TCF4: variants seen among roughly 807,000 people sequenced by gnomAD.
The protein encoded by TCF4 is transcription factor 4, also known as SL3-3 enhancer factor 2.
In TCF4, 3 loss-of-function variants were observed where a neutral mutation model predicts 82.1. The ratio of observed to expected loss-of-function variants is 0.04; its 90% CI spans 0.02 to 0.09. The LOEUF (loss-of-function observed/expected upper bound fraction) is 0.09. TCF4 is among the 10% of genes least tolerant of loss of function. The pLI, the probability that TCF4 is intolerant of heterozygous loss-of-function variation, is 1.00. For synonymous variants in TCF4, 276 were observed against 309.6 expected, an observed-to-expected ratio of 0.89 and a Z score of 1.14; for missense variants, 518 against 852.7, an observed-to-expected ratio of 0.61 and a Z score of 4.89.
At chr18:55,558,313 G>A (rs928143991) in intron 3 of TCF4, among the ~76,000 whole-genome samples, 1 of 152,122 alleles carries the variant, frequency 6.6e-6, no homozygotes, top group East Asian at 1.9e-4. Flanking sequence ...ATTTTATGAT[G>A]CTGTATCTTC....
At chr18:55,344,782 C>T (rs761415174) in intron 8 of TCF4, among the ~76,000 whole-genome samples, 1 of 152,060 alleles carries the variant, frequency 6.6e-6, no homozygotes, top group East Asian at 1.9e-4. Flanking sequence ...GCCAGGAAGG[C>T]TTCTTTCTGG....
At chr18:55,283,848 T>C (rs914643095) in intron 8 of TCF4, among the ~76,000 whole-genome samples, 5 of 152,208 alleles carry the variant, frequency 3.3e-5, no homozygotes, top group African/African-American at 2.4e-5. Flanking sequence ...CAGACATTAG[T>C]GCTGAAGTCT....
chr18:55,500,213 T>C (rs1386734843), intron 3 of TCF4, among the ~76,000 whole-genome samples: 1 of 152,092 alleles, frequency 6.6e-6, no homozygotes, highest in Non-Finnish European at 1.5e-5. Context: ...ACATTTTGAT[T>C]GTCATCTGGG....
At chr18:55,432,491 G>A (rs1049273000) in intron 5 of TCF4, among the ~76,000 whole-genome samples, 2 of 151,984 alleles carry the variant, frequency 1.3e-5, no homozygotes, top group Admixed American at 6.6e-5. Flanking sequence ...GGTTGGCCTT[G>A]TTATCTCCAT....
intron 3 of TCF4, among the ~76,000 whole-genome samples, chr18:55,503,890 C>T (rs1051610079): frequency 2.0e-5 from 3 of 152,138 alleles, no homozygotes; most frequent in African/African-American, 4.8e-5. Context: ...GCCTGGCCAA[C>T]GTGATGAAAC....
chr18:55,498,249 G>A (rs1015595711), intron 3 of TCF4, among the ~76,000 whole-genome samples: 1 of 152,194 alleles, frequency 6.6e-6, no homozygotes, highest in Non-Finnish European at 1.5e-5. Flanking sequence ...AATATTTAAG[G>A]GGGTGCTCAC....
intron 3 of TCF4, among the ~76,000 whole-genome samples, chr18:55,569,602 TA>T (rs1331517723): frequency 1.3e-5 from 2 of 151,576 alleles, no homozygotes; most frequent in Non-Finnish European, 2.9e-5. Flanking sequence ...AAGTAACAAA[TA>T]ATTTGAATAA....
chr18:55,587,592 A>T (rs528995205), intron 1 of TCF4, among the ~76,000 whole-genome samples: 1 of 150,554 alleles, frequency 6.6e-6, no homozygotes, highest in Admixed American at 6.6e-5. Flanking sequence ...GCACACTCAC[A>T]CTCGCACACG....
chr18:55,348,623 C>T (rs955120105), intron 8 of TCF4, among the ~76,000 whole-genome samples: 3 of 152,218 alleles, frequency 2.0e-5, no homozygotes, highest in South Asian at 4.1e-4. Flanking sequence ...GGCCAGTTAG[C>T]TATAGGGAAA....
intron 8 of TCF4, among the ~76,000 whole-genome samples, chr18:55,295,845 C>T (rs969630799): frequency 6.6e-6 from 1 of 152,162 alleles, no homozygotes; most frequent in Non-Finnish European, 1.5e-5. Flanking sequence ...CCCATTCATC[C>T]TTGCACTTCA....
chr18:55,362,522 C>T (rs751647778), intron 6 of TCF4, among the ~76,000 whole-genome samples: 12 of 151,636 alleles, frequency 7.9e-5, no homozygotes, highest in Non-Finnish European at 1.2e-4. Flanking sequence ...GTCTCTTTTT[C>T]GAAATCCATT....
chr18:55,537,679 T>C (rs1380229640), intron 3 of TCF4, among the ~76,000 whole-genome samples: 1 of 152,108 alleles, frequency 6.6e-6, no homozygotes, highest in African/African-American at 2.4e-5. Flanking sequence ...TGTGTGTGTA[T>C]AAGTTTGTTG....
At chr18:55,272,537 A>G (rs1040925796) in intron 10 of TCF4, among the ~76,000 whole-genome samples, 1 of 152,160 alleles carries the variant, frequency 6.6e-6, no homozygotes, top group Non-Finnish European at 1.5e-5. Flanking sequence ...GTCTATTAAC[A>G]GAGTAATTGT....
At chr18:55,481,284 A>G (rs1357060350) in intron 3 of TCF4, among the ~76,000 whole-genome samples, 1 of 152,208 alleles carries the variant, frequency 6.6e-6, no homozygotes, top group Non-Finnish European at 1.5e-5. Context: ...TACACCATGG[A>G]AATTGGCAAA....
At chr18:55,362,105 T>C (rs2145210547) in intron 6 of TCF4, among the ~76,000 whole-genome samples, 1 of 152,254 alleles carries the variant, frequency 6.6e-6, no homozygotes, top group Middle Eastern at 3.4e-3. Context: ...TGTCTTCTCC[T>C]GTCTTATCTC....
At position 55,570,096 on chromosome 18, in the gene TCF4, C is replaced by T. The variant is rs991384021; in HGVS notation, c.145+15184G>A. ...AGAATAAAAGGCCCAGAAGGAAAGA[C>T]CCCACAAATACAGGAACTAAAAATA... On this transcript the variant is annotated intron_variant, in intron 3 of 19. Coordinates refer to ENST00000354452, the MANE Select transcript of TCF4 (RefSeq NM_001083962.2). Among the ~76,000 whole-genome samples the T allele has an allele frequency of 5.9e-5, 9 of 152,196 alleles. No individual in the cohort carries two copies. In the East Asian group the frequency reaches 1.2e-3, roughly 20 times the overall value.
intron 6 of TCF4, among the ~76,000 whole-genome samples, chr18:55,394,858 A>G (rs1258434094): frequency 1.3e-5 from 2 of 152,222 alleles, no homozygotes; most frequent in Non-Finnish European, 2.9e-5. Context: ...CAGAGCGCAC[A>G]CAATTTTTCA....
intron 8 of TCF4, among the ~76,000 whole-genome samples, chr18:55,292,000 T>C (rs2065207616): frequency 6.6e-6 from 1 of 151,888 alleles, no homozygotes; most frequent in South Asian, 2.1e-4. Context: ...TTAAAGGAGG[T>C]GAAAGATGAA....
Position 55,456,126 on chromosome 18 carries a change from C to T in TCF4, c.304+4893G>A, listed in dbSNP as rs732780. Among the ~76,000 whole-genome samples, 1,450 of 152,290 alleles carry T rather than the reference C, an allele frequency of 9.5e-3. 28 individuals carry two copies. The South Asian group carries it at 0.1, about 11-fold the overall frequency. On this transcript the variant is annotated intron_variant, in intron 5 of 19. Transcript: ENST00000354452. ...AAATATTCCTGCTAGGCAAACGGAG[C>T]GGTGGAACCGAATTATAATGAGCTA...
Sources: allele counts gnomAD v4.1 joint callset (sites outside exome capture counted in the v4.1 genomes callset), GRCh38; gene constraint gnomAD v4.1.1; transcripts MANE v1.5; gene names NCBI Gene and HGNC (gene_info 2026-07-23, HGNC 2026-07-21).